Variants in KIAA2012 observed in about 807,000 individuals in gnomAD.
The protein encoded by KIAA2012 is uncharacterized protein KIAA2012.
A neutral mutation model predicts 150.6 loss-of-function variants in KIAA2012; 125 were observed. The ratio of observed to expected loss-of-function variants is 0.83; its 90% CI spans 0.72 to 0.96. The LOEUF is 0.96. KIAA2012 is among the 40% of genes least tolerant of loss of function. The pLI, the probability that KIAA2012 is intolerant of heterozygous loss-of-function variation, is 0.00. For missense variants in KIAA2012, 1,219 were observed against 1,354.9 expected (o/e 0.90, Z 1.57); for synonymous variants, 462 against 504.7 (o/e 0.92, Z 1.13).
intron 12 of KIAA2012, among the ~76,000 whole-genome samples, chr2:202,135,158 G>T (rs1691034409): frequency 6.6e-6 from 1 of 152,226 alleles, no homozygotes; most frequent in Non-Finnish European, 1.5e-5. Context: ...TTGAAAATCT[G>T]CTAAGGCCTG....
intron 15 of KIAA2012, among the ~76,000 whole-genome samples, chr2:202,176,793 G>C (rs891931983): frequency 6.6e-6 from 1 of 152,114 alleles, no homozygotes; most frequent in Middle Eastern, 3.4e-3. Flanking sequence ...AAAACAAAAA[G>C]ATATCATTTC....
chr2:202,109,534 C>A, intron 9 of KIAA2012, 79 bp from the exon 10 acceptor site: 5 of 1,323,046 alleles, frequency 3.8e-6, no homozygotes, highest in Non-Finnish European at 4.0e-6. Context: ...GTCCTTCAAC[C>A]AAGTTAGAAG....
At chr2:202,185,136 A>T (rs1206526659) in intron 16 of KIAA2012, among the ~76,000 whole-genome samples, 1 of 152,196 alleles carries the variant, frequency 6.6e-6, no homozygotes, top group Non-Finnish European at 1.5e-5. Flanking sequence ...ATCCACAGAG[A>T]TGCCTAGAAA....
intron 8 of KIAA2012, among the ~76,000 whole-genome samples, chr2:202,103,945 T>G (rs1328631337): frequency 1.3e-5 from 2 of 152,210 alleles, no homozygotes; most frequent in African/African-American, 4.8e-5. Context: ...AAAAGTGTCC[T>G]AGTTTTGACA....
intron 11 of KIAA2012, among the ~76,000 whole-genome samples, chr2:202,120,361 G>A (rs958547343): frequency 6.6e-6 from 1 of 152,162 alleles, no homozygotes; most frequent in African/African-American, 2.4e-5. Flanking sequence ...AGGTAATAGA[G>A]TGAGACCTTG....
intron 14 of KIAA2012, 134 bp from the exon 15 acceptor site, chr2:202,165,150 G>C: frequency 1.3e-6 from 1 of 779,696 alleles, no homozygotes; most frequent in Admixed American, 2.7e-5. Context: ...TAAGTAAAAA[G>C]TTGACGAAGA....
At chr2:202,147,456 G>A (rs574473975) in intron 13 of KIAA2012, among the ~76,000 whole-genome samples, 4 of 152,304 alleles carry the variant, frequency 2.6e-5, no homozygotes, top group South Asian at 4.1e-4. Context: ...TGTAGAGGTC[G>A]GAGGACAGAA....
chr2:202,192,021 T>C (rs1253195227), intron 19 of KIAA2012, among the ~76,000 whole-genome samples: 2 of 152,232 alleles, frequency 1.3e-5, no homozygotes, highest in African/African-American at 4.8e-5. Flanking sequence ...TTATGGCTCA[T>C]GGTCTTCCAA....
At chr2:202,195,934 G>A (rs1692405679) in intron 21 of KIAA2012, among the ~76,000 whole-genome samples, 1 of 152,052 alleles carries the variant, frequency 6.6e-6, no homozygotes, top group African/African-American at 2.4e-5. Flanking sequence ...ATCTATTGAT[G>A]GACATTTATA....
chr2:202,177,207 A>G (rs1692009669), intron 15 of KIAA2012, among the ~76,000 whole-genome samples: 1 of 152,240 alleles, frequency 6.6e-6, no homozygotes, highest in African/African-American at 2.4e-5. Flanking sequence ...AACAAGTTAC[A>G]TAAATAATAT....
intron 14 of KIAA2012, among the ~76,000 whole-genome samples, chr2:202,163,159 G>A (rs529358939): frequency 3.5e-5 from 5 of 144,272 alleles, no homozygotes; most frequent in South Asian, 2.2e-4. Context: ...GCTGGAGTGC[G>A]GTGGTGCGAT....
intron 12 of KIAA2012, among the ~76,000 whole-genome samples, chr2:202,131,508 TCTA>T (rs1690927521): frequency 6.6e-6 from 1 of 152,218 alleles, no homozygotes; most frequent in Admixed American, 6.5e-5. Flanking sequence ...TAATTGTCCA[TCTA>T]CTAGTGACAA....
At chr2:202,089,341 C>T (rs1207233947) in intron 2 of KIAA2012, among the ~76,000 whole-genome samples, 1 of 152,198 alleles carries the variant, frequency 6.6e-6, no homozygotes, top group East Asian at 1.9e-4. Flanking sequence ...ATAGTTCTTA[C>T]AGTCTGGGAA....
intron 14 of KIAA2012, among the ~76,000 whole-genome samples, chr2:202,157,327 A>G (rs1056900304): frequency 6.6e-6 from 1 of 152,210 alleles, no homozygotes; most frequent in Non-Finnish European, 1.5e-5. Flanking sequence ...AAGAGCACAC[A>G]GGCTGTCCTC....
intron 15 of KIAA2012, among the ~76,000 whole-genome samples, chr2:202,168,000 T>C (rs916150473): frequency 2.6e-4 from 40 of 152,204 alleles, no homozygotes; most frequent in Non-Finnish European, 4.1e-4. Flanking sequence ...CTGTGTGACC[T>C]TGAGTAAGTT....
intron 2 of KIAA2012, among the ~76,000 whole-genome samples, chr2:202,079,918 A>C (rs1260532739): frequency 6.6e-6 from 1 of 152,248 alleles, no homozygotes; most frequent in Non-Finnish European, 1.5e-5. Flanking sequence ...AATGTGTTTT[A>C]AAATTCAGTT....
Position 202,187,006 on chromosome 2 carries a change from A to C in KIAA2012, c.2284A>C (p.Ser762Arg), listed in dbSNP as rs1191512791. The part of the protein sequence containing the change: ...GYGPESPERL[S>R]AVYTSLLPRE... ...CGGGCCTGAGTCACCCGAGAGGTTG[A>C]GTGCTGTGTATACATCTCTTCTTCC... Residue 762 changes from serine to arginine, a missense_variant, in exon 17 of 24, where the codon AGT (serine) becomes CGT (arginine). Ser to Arg is a moderately radical substitution (Grantham distance 110, BLOSUM62 -1). Transcript: ENST00000498697. 6.4e-7 allele frequency: 1 copy of C among 1,550,476 alleles called. No homozygotes were observed. The highest frequency in any genetic ancestry group is 8.7e-7 in the Non-Finnish European group (1 of 1,147,000).
At chr2:202,183,651 GCAC>G (rs1368730259) in intron 15 of KIAA2012, among the ~76,000 whole-genome samples, 1 of 151,752 alleles carries the variant, frequency 6.6e-6, no homozygotes, top group Non-Finnish European at 1.5e-5. Flanking sequence ...TCACAGGCAT[GCAC>G]CACCACCACA....
At chr2:202,106,015 G>T (rs771840875) in intron 9 of KIAA2012, 105 bp downstream of exon 9, 155 of 1,544,748 alleles carry the variant, frequency 1.0e-4, no homozygotes, top group Non-Finnish European at 1.3e-4. Context: ...CTGGAAGGGA[G>T]GTTAGTTCAC....
Sources: allele counts gnomAD v4.1 joint callset (sites outside exome capture counted in the v4.1 genomes callset), GRCh38; gene constraint gnomAD v4.1.1; transcripts MANE v1.5; gene names NCBI Gene and HGNC (gene_info 2026-07-23, HGNC 2026-07-21).